The following CD96 variants were observed in gnomAD, a reference collection of about 807,000 sequenced individuals.
CD96 encodes the protein CD96 molecule.
Under a neutral mutation model 71.3 loss-of-function variants are expected in CD96, and 70 were observed. That is an observed-to-expected ratio of 0.98 (90% CI 0.81 to 1.20). The LOEUF is 1.20. CD96 is among the 50% of genes most tolerant of loss of function. The pLI, the probability that CD96 is intolerant of heterozygous loss-of-function variation, is 0.00. For missense variants in CD96, 742 were observed against 677.5 expected, an observed-to-expected ratio of 1.10 and a Z score of -1.06; for synonymous variants, 248 against 233.0, an observed-to-expected ratio of 1.06 and a Z score of -0.59.
At chr3:111,599,807 G>T (rs1355987289) in intron 6 of CD96, among the ~76,000 whole-genome samples, 1 of 152,184 alleles carries the variant, frequency 6.6e-6, no homozygotes, top group Non-Finnish European at 1.5e-5. Context: ...CAAACTAGAG[G>T]CTAGATTTTG....
intron 4 of CD96, among the ~76,000 whole-genome samples, chr3:111,580,858 G>A (rs1220292078): frequency 6.6e-6 from 1 of 152,186 alleles, no homozygotes; most frequent in Admixed American, 6.5e-5. Context: ...GACTGTCTTA[G>A]TGCAAACATG....
intron 8 of CD96, among the ~76,000 whole-genome samples, chr3:111,620,007 G>A (rs904794625): frequency 6.6e-5 from 10 of 152,160 alleles, no homozygotes; most frequent in Admixed American, 6.5e-4. Flanking sequence ...GCTTGTAAAA[G>A]CCCAGCCCTG....
intron 5 of CD96, 117 bp from the exon 6 acceptor site, chr3:111,598,003 T>C: frequency 1.4e-6 from 1 of 725,508 alleles, no homozygotes. Context: ...GCCTTCTATT[T>C]ATTCAGTTAA....
At chr3:111,546,200 G>A (rs1321945496) in intron 2 of CD96, among the ~76,000 whole-genome samples, 1 of 152,140 alleles carries the variant, frequency 6.6e-6, no homozygotes, top group Non-Finnish European at 1.5e-5. Context: ...TAAGACAAGG[G>A]CAGTATGAAG....
chr3:111,560,423 G>A (rs1935327358), intron 2 of CD96, among the ~76,000 whole-genome samples: 1 of 148,032 alleles, frequency 6.8e-6, no homozygotes, highest in Admixed American at 6.7e-5. Context: ...AAATCTCTCA[G>A]CATTTGCTTG....
Position 111,623,810 on chromosome 3 carries a change from A to G in CD96, c.1237A>G (p.Thr413Ala), listed in dbSNP as rs1938618640. Residue 413 changes from threonine (T) to alanine (A), a missense_variant, in exon 9 of 14, where the codon ACC becomes GCC. Coordinates refer to ENST00000352690, the MANE Select transcript of CD96 (RefSeq NM_005816.5). ...LVDVSALRPN[T>A]TPQPSNSSMT... ...AGATGTGAGTGCCTTGAGGCCAAACACCACTCCTCAACGTGAGTTCAGCAA... is the reference window on the plus strand; with the variant it reads ...AGATGTGAGTGCCTTGAGGCCAAACGCCACTCCTCAACGTGAGTTCAGCAA... 6.2e-7 allele frequency: 1 copy of G among 1,608,818 alleles called. No homozygotes were observed. The highest frequency in any genetic ancestry group is 1.7e-5 in the Admixed American group (1 of 60,004).
At chr3:111,593,849 G>C in intron 5 of CD96, 1 of 1,613,952 alleles carries the variant, frequency 6.2e-7, no homozygotes, top group East Asian at 2.2e-5. Flanking sequence ...GCGCTGCCCA[G>C]CCTGACCATG....
chr3:111,588,285 G>A (rs1477004974), intron 5 of CD96, among the ~76,000 whole-genome samples: 2 of 152,156 alleles, frequency 1.3e-5, no homozygotes, highest in Non-Finnish European at 2.9e-5. Flanking sequence ...TAGGGTAGGG[G>A]CAAAATGCCA....
In CD96 at chr3:111,584,063, G is replaced by T. The variant is rs182018141; in HGVS notation, c.752-1260G>T. On this transcript the variant is annotated intron_variant, in intron 4 of 13. Coordinates refer to ENST00000352690, the MANE Select transcript of CD96 (RefSeq NM_005816.5). ...CTTATAAAACTGAGTGCCTTTAACA[G>T]CACCCAATACACCTCTCGAATGCTT... 5.9e-3 allele frequency among the ~76,000 whole-genome samples: 898 copies of T among 152,254 alleles called. 11 individuals carry two copies. Among genetic ancestry groups the T allele is most frequent in the African/African-American group, 0.02 (843 of 41,544 alleles).
intron 2 of CD96, among the ~76,000 whole-genome samples, chr3:111,565,482 AC>A (rs1935664039): frequency 6.6e-6 from 1 of 152,058 alleles, no homozygotes; most frequent in African/African-American, 2.4e-5. Flanking sequence ...AATATAACTA[AC>A]ATATTTGGAT....
Position 111,598,120 on chromosome 3 carries a change from A to G in CD96, c.808A>G (p.Arg270Gly), listed in dbSNP as rs1246067090. The G allele has an allele frequency of 1.0e-5, 14 of 1,333,816 alleles. No homozygotes were observed. The highest frequency in any genetic ancestry group is 1.5e-5 in the Non-Finnish European group (14 of 925,044). The allele number at this position is 1,333,816 out of a possible 1,614,324, so 82.6% of individuals were successfully genotyped here. Residue 270 changes from arginine to glycine, a missense_variant and splice_region_variant, in exon 6 of 14, where the codon AGA becomes GGA. By Grantham distance (125) the Arg-to-Gly change is moderately radical. Transcript: ENST00000352690. ...AATCCTTTTTCTGTCTTTACCCCAG[A>G]GAAGATTTACCTGCTTACTAAAGAA... ...ENNSTDVLVERRFTCLLKNVF... is the reference protein window; with the variant it reads ...ENNSTDVLVEGRFTCLLKNVF...
intron 10 of CD96, 48 bp downstream of exon 10, chr3:111,624,452 CAT>C: frequency 9.8e-7 from 1 of 1,016,710 alleles, no homozygotes; most frequent in Non-Finnish European, 1.6e-6. Context: ...TTCAGTCATT[CAT>C]CCGACAGATA....
intron 8 of CD96, 27 bp downstream of exon 8, chr3:111,606,819 T>A: frequency 8.1e-7 from 1 of 1,233,552 alleles, no homozygotes; most frequent in African/African-American, 1.5e-5. Flanking sequence ...ACTGAGCTAT[T>A]GATTTAACCA....
Position 111,651,952 on chromosome 3 carries a change from G to A in CD96, c.*2146G>A, listed in dbSNP as rs1226109671. On this transcript the variant is annotated 3_prime_UTR_variant, in exon 14 of 14. Coordinates refer to ENST00000352690, the MANE Select transcript of CD96 (RefSeq NM_005816.5). ...ACCTGTCAAGGAACTAAGGTATTTT[G>A]CTAACAAGCACCAACTTGCCAGCCA... 2.0e-5 allele frequency: 3 copies of A among 151,614 alleles called. No homozygotes were observed. The East Asian group carries it at 5.8e-4, about 29-fold the overall frequency. The allele number at this position is 151,614 out of a possible 1,614,324, so 9.4% of individuals were successfully genotyped here. A position where few individuals can be genotyped will look rare whatever the true frequency, so the allele number is the denominator to read the frequency against.
chr3:111,586,694 CCTTATAATAACCA>C (rs1936729891), intron 5 of CD96, among the ~76,000 whole-genome samples: 1 of 152,118 alleles, frequency 6.6e-6, no homozygotes, highest in African/African-American at 2.4e-5. Flanking sequence ...GAAAACTCCC[CCTTATAATAACCA>C]TCAGATCTCA....
chr3:111,590,702 C>A (rs1193231682), intron 5 of CD96, among the ~76,000 whole-genome samples: 1 of 152,132 alleles, frequency 6.6e-6, no homozygotes, highest in Non-Finnish European at 1.5e-5. Context: ...AGTCTTTAAC[C>A]TAAATTTCAG....
intron 5 of CD96, among the ~76,000 whole-genome samples, chr3:111,590,652 C>T (rs1433793489): frequency 1.3e-5 from 2 of 152,236 alleles, no homozygotes; most frequent in East Asian, 1.9e-4. Context: ...AGGGCTCCAA[C>T]TTGACACACA....
chr3:111,566,464 G>C (rs921686060), intron 2 of CD96, among the ~76,000 whole-genome samples: 32 of 152,140 alleles, frequency 2.1e-4, no homozygotes, highest in African/African-American at 7.7e-4. Context: ...TGTAGTTCAA[G>C]AATCACACAA....
At chr3:111,641,736 C>T (rs531633910) in intron 12 of CD96, among the ~76,000 whole-genome samples, 30 of 152,234 alleles carry the variant, frequency 2.0e-4, no homozygotes, top group South Asian at 8.3e-4. Flanking sequence ...CAAGATAGAC[C>T]ATATGATAGG....
Sources: gnomAD v4.1 joint callset for allele counts (sites outside exome capture counted in the v4.1 genomes callset) on GRCh38, gnomAD v4.1.1 for gene constraint, MANE v1.5 for transcripts, NCBI Gene and HGNC (gene_info 2026-07-23, HGNC 2026-07-21) for gene names.